The following PTPRN2 variants were observed in gnomAD, a reference collection of about 807,000 sequenced individuals.
The protein encoded by PTPRN2 is receptor-type tyrosine-protein phosphatase N2.
PTPRN2 carries 74 observed loss-of-function variants against 118.8 expected under a neutral mutation model. The observed-to-expected ratio is 0.62, with a 90% CI of 0.52 to 0.76. The LOEUF is 0.76. Ranked by LOEUF, PTPRN2 falls within the 30% of genes least tolerant of loss-of-function variation. The probability of loss-of-function intolerance (pLI) is 0.00; values close to 1 mark genes in which losing one functional copy is unlikely to be tolerated. For synonymous variants in PTPRN2, 641 were observed against 608.0 expected, an observed-to-expected ratio of 1.05 and a Z score of -0.80; for missense variants, 1,481 against 1,394.4, an observed-to-expected ratio of 1.06 and a Z score of -0.99.
intron 2 of PTPRN2, among the ~76,000 whole-genome samples, chr7:158,408,545 C>G (rs1219964509): frequency 6.6e-6 from 1 of 152,206 alleles, no homozygotes; most frequent in Non-Finnish European, 1.5e-5. Context: ...ATGTTCATTA[C>G]TTATTTCCAG....
At chr7:157,644,183 TG>T (rs1158596751) in intron 14 of PTPRN2, among the ~76,000 whole-genome samples, 2 of 152,202 alleles carry the variant, frequency 1.3e-5, no homozygotes, top group Non-Finnish European at 2.9e-5. Flanking sequence ...CCACTGGGGT[TG>T]GCCCCAGACC....
rs565036221 is a variant in PTPRN2, at chr7:158,219,348, C to A, written c.278-14075G>T. On this transcript the variant is annotated intron_variant, in intron 3 of 22. Coordinates refer to ENST00000389418, the MANE Select transcript of PTPRN2 (RefSeq NM_002847.5). The stretch of plus-strand genomic sequence containing the variant: ...TAAAGAATGAAATTAATGCAGAAAT[C>A]AAAAAATTATTTGAAACTAATGAAA... 4.2e-4 allele frequency among the ~76,000 whole-genome samples: 64 copies of A among 152,040 alleles called. No homozygotes were observed. The South Asian group carries it at 0.012, about 29-fold the overall frequency.
intron 11 of PTPRN2, among the ~76,000 whole-genome samples, chr7:158,011,972 G>A (rs550881198): frequency 1.3e-5 from 2 of 152,240 alleles, no homozygotes; most frequent in South Asian, 4.1e-4. Context: ...AACAATAAGA[G>A]ATCAAATATT....
chr7:157,998,457 C>T (rs145690671), intron 11 of PTPRN2, among the ~76,000 whole-genome samples: 446 of 152,320 alleles, frequency 2.9e-3, no homozygotes, highest in African/African-American at 0.01. Flanking sequence ...GTGAGAGGAG[C>T]CCGTGTCCAG....
At chr7:157,816,566 G>C (rs1806413681) in intron 12 of PTPRN2, among the ~76,000 whole-genome samples, 1 of 152,222 alleles carries the variant, frequency 6.6e-6, no homozygotes, top group Non-Finnish European at 1.5e-5. Context: ...TGTGTTTAAA[G>C]TCCCTAGTGT....
chr7:157,973,800 A>G (rs940432217), intron 11 of PTPRN2, among the ~76,000 whole-genome samples: 1 of 152,220 alleles, frequency 6.6e-6, no homozygotes, highest in African/African-American at 2.4e-5. Context: ...AATAAATAGC[A>G]TGCTTTTAGA....
chr7:157,625,558 T>C (rs1803514221), intron 14 of PTPRN2, among the ~76,000 whole-genome samples: 1 of 151,562 alleles, frequency 6.6e-6, no homozygotes, highest in Non-Finnish European at 1.5e-5. Flanking sequence ...AAAGATACAA[T>C]GGACTTTGGG....
chr7:157,613,047 C>CGGAG (rs1802477323), intron 15 of PTPRN2, among the ~76,000 whole-genome samples: 1 of 152,064 alleles, frequency 6.6e-6, no homozygotes, highest in Non-Finnish European at 1.5e-5. Context: ...CCTGGGTGGC[C>CGGAG]GGAGGAGGAG....
At chr7:158,227,706 TG>T (rs1828897976) in intron 3 of PTPRN2, among the ~76,000 whole-genome samples, 1 of 152,214 alleles carries the variant, frequency 6.6e-6, no homozygotes, top group Non-Finnish European at 1.5e-5. Context: ...AGGAAAGGGC[TG>T]GTGAGCAGAG....
rs112890225 is a variant in PTPRN2 at position 158,098,926 on chromosome 7, G to A, written c.1643+11903C>T. 6.6e-5 allele frequency among the ~76,000 whole-genome samples: 10 copies of A among 151,942 alleles called. No homozygotes were observed. The East Asian group carries it at 1.6e-3, about 24-fold the overall frequency. On this transcript the variant is annotated intron_variant, in intron 10 of 22. Transcript: ENST00000389418. ...CGTTCCTGGGTCCTTGAGGGGAGCC[G>A]GGCTTCTCAGCCTTGAAGACCCACT... is the stretch of plus-strand genomic sequence containing the variant.
intron 19 of PTPRN2, among the ~76,000 whole-genome samples, chr7:157,575,303 T>C (rs1267131270): frequency 2.0e-5 from 3 of 152,196 alleles, no homozygotes; most frequent in African/African-American, 7.2e-5. Flanking sequence ...TAGAAATAAA[T>C]CCGTATTGAC....
At position 158,456,830 on chromosome 7, in the gene PTPRN2, G is replaced by A. The variant is rs190399152; in HGVS notation, c.163+32905C>T. On this transcript the variant is annotated intron_variant, in intron 2 of 22. Coordinates refer to ENST00000389418, the MANE Select transcript of PTPRN2 (RefSeq NM_002847.5). Reference sequence around the variant, plus strand: ...TACTCTGTTGCCCAGGCTGGACGGCGGTGACACAATCACGACTCACTGCAG... The same window carrying A: ...TACTCTGTTGCCCAGGCTGGACGGCAGTGACACAATCACGACTCACTGCAG... 8.6e-4 allele frequency among the ~76,000 whole-genome samples: 131 copies of A among 152,120 alleles called. 1 individual carries two copies. The highest frequency in any genetic ancestry group is 2.5e-3 in the South Asian group (12 of 4,808).
chr7:158,201,532 A>G (rs187257734), intron 4 of PTPRN2, among the ~76,000 whole-genome samples: 148 of 152,298 alleles, frequency 9.7e-4, no homozygotes, highest in African/African-American at 3.5e-3. Context: ...TCCACATTCT[A>G]TAGGGATCTA....
chr7:158,053,771 C>G (rs1379955760), intron 11 of PTPRN2, among the ~76,000 whole-genome samples: 2 of 150,618 alleles, frequency 1.3e-5, no homozygotes. Flanking sequence ...CGCAGAGACC[C>G]CAGAAATGCA....
At position 158,528,997 on chromosome 7, in the gene PTPRN2, G is replaced by A. The variant is rs559137807; in HGVS notation, c.113-39212C>T. ...CCCTGTGAGGGAAACGTGTGCTCACGAAAGTCAGCCTGGCCTTCGAGCCCA... is the reference window on the plus strand; with the variant it reads ...CCCTGTGAGGGAAACGTGTGCTCACAAAAGTCAGCCTGGCCTTCGAGCCCA... On this transcript the variant is annotated intron_variant, in intron 1 of 22. Coordinates refer to ENST00000389418, the MANE Select transcript of PTPRN2 (RefSeq NM_002847.5). Among the ~76,000 whole-genome samples, 6 of 152,236 alleles carry A rather than the reference G, an allele frequency of 3.9e-5. No homozygotes were observed. The South Asian group carries it at 8.3e-4, about 21-fold the overall frequency.
intron 3 of PTPRN2, among the ~76,000 whole-genome samples, chr7:158,247,947 A>G (rs1020353274): frequency 2.6e-5 from 4 of 152,168 alleles, no homozygotes; most frequent in Admixed American, 6.5e-5. Context: ...TACCTCGCAC[A>G]AGACCCCAGC....
chr7:158,233,158 T>A (rs553970027), intron 3 of PTPRN2, among the ~76,000 whole-genome samples: 1 of 152,150 alleles, frequency 6.6e-6, no homozygotes, highest in Non-Finnish European at 1.5e-5. Flanking sequence ...GACATCATGA[T>A]CTTATCATAT....
Position 158,141,998 on chromosome 7 carries a change from T to C in PTPRN2, c.911-3483A>G, listed in dbSNP as rs1050506735. 5.9e-5 allele frequency among the ~76,000 whole-genome samples: 9 copies of C among 152,336 alleles called. No individual in the cohort carries two copies. In the Middle Eastern group the frequency reaches 0.01, roughly 173 times the overall value. ...GCCGAGTGCCCCGCTCTGGCCGACG[T>C]TGAGGCCTCTGAATTGTTCGGCAGA... On this transcript the variant is annotated intron_variant, in intron 6 of 22. Transcript: ENST00000389418.
chr7:158,474,744 G>T (rs963319802), intron 2 of PTPRN2, among the ~76,000 whole-genome samples: 1 of 152,154 alleles, frequency 6.6e-6, no homozygotes, highest in Non-Finnish European at 1.5e-5. Flanking sequence ...TCTTCCCAAG[G>T]TCGGCTAAGA....
Sources: allele counts gnomAD v4.1 joint callset (sites outside exome capture counted in the v4.1 genomes callset), GRCh38; gene constraint gnomAD v4.1.1; transcripts MANE v1.5; gene names NCBI Gene and HGNC (gene_info 2026-07-23, HGNC 2026-07-21).